Variants in SLC6A11 observed in about 807,000 individuals in gnomAD.
The protein encoded by SLC6A11 is solute carrier family 6 member 11, also known as sodium- and chloride-dependent GABA transporter 3.
Under a neutral mutation model 74.8 loss-of-function variants are expected in SLC6A11, and 25 were observed. The observed-to-expected ratio is 0.33, with a 90% confidence interval of 0.24 to 0.47. The LOEUF (loss-of-function observed/expected upper bound fraction) is 0.47, where lower values mean the gene tolerates loss of function less well. Ranked by LOEUF, SLC6A11 falls within the 20% of genes least tolerant of loss-of-function variation. The probability of loss-of-function intolerance (pLI) is 1.00; values close to 1 mark genes in which losing one functional copy is unlikely to be tolerated. For synonymous variants in SLC6A11, 330 were observed against 330.2 expected (o/e 1.00, Z 0.01); for missense variants, 574 against 837.0 (o/e 0.69, Z 3.88).
chr3:10,888,781 A>T (rs1360118903), intron 6 of SLC6A11, among the ~76,000 whole-genome samples: 3 of 152,256 alleles, frequency 2.0e-5, no homozygotes, highest in African/African-American at 7.2e-5. Flanking sequence ...GCCTGTCTTC[A>T]GGTATTCTCA....
chr3:10,831,507 G>A (rs979482376), intron 4 of SLC6A11, among the ~76,000 whole-genome samples: 6 of 152,096 alleles, frequency 3.9e-5, no homozygotes, highest in Admixed American at 6.5e-5. Context: ...ATATGATATC[G>A]TATGTAATAT....
In SLC6A11 at chr3:10,915,670, G is replaced by A. The variant is rs1190372206; in HGVS notation, c.996-2659G>A. On this transcript the variant is annotated intron_variant, in intron 7 of 13. Transcript: ENST00000254488. This position sits in a 1 kb window ranked among gnomAD's most constrained non-coding sequence, Gnocchi z 4.3. ...CACTAAGCCCTGTCTGCTTGAAGGG[G>A]TGGGTGTTCTGAGGACTGGAGGGGA... Among the ~76,000 whole-genome samples the A allele has an allele frequency of 6.6e-6, 1 of 152,094 alleles. No individual in the cohort carries two copies. The highest frequency in any genetic ancestry group is 1.5e-5 in the Non-Finnish European group (1 of 68,020).
In SLC6A11 at chr3:10,819,861, C is replaced by T. The variant is rs1212461557; in HGVS notation, c.532+9C>T. ...GCATGAGTGGAACACAGGTATGGCC[C>T]CACGGAGGTCTCTCTGCTGGTCCTG... On this transcript the variant is annotated intron_variant, in intron 3 of 13. Coordinates refer to ENST00000254488, the MANE Select transcript of SLC6A11 (RefSeq NM_014229.3). 2 of 1,612,666 alleles carry T rather than the reference C, an allele frequency of 1.2e-6. No individual in the cohort carries two copies. Among genetic ancestry groups the T allele is most frequent in the Non-Finnish European group, 1.7e-6 (2 of 1,179,430 alleles).
At chr3:10,882,686 A>G (rs566080673) in intron 6 of SLC6A11, among the ~76,000 whole-genome samples, 1 of 152,294 alleles carries the variant, frequency 6.6e-6, no homozygotes, top group Non-Finnish European at 1.5e-5. Context: ...CTTTTGCGTT[A>G]CGGTTGCAGT....
chr3:10,873,362 C>G (rs1315395071), intron 5 of SLC6A11, among the ~76,000 whole-genome samples: 43 of 105,188 alleles, frequency 4.1e-4, no homozygotes, highest in African/African-American at 1.9e-3. Flanking sequence ...TCCTTTCCCT[C>G]CCCTATGCTC....
intron 4 of SLC6A11, 99 bp from the exon 5 acceptor site, chr3:10,844,115 G>A: frequency 6.9e-7 from 1 of 1,453,890 alleles, no homozygotes. Context: ...GGACGTGGGT[G>A]AATGAGCACA....
In SLC6A11 at chr3:10,912,193, G is replaced by A; in HGVS notation, c.995G>A (p.Arg332Lys). The A allele has an allele frequency of 6.2e-7, 1 of 1,600,118 alleles. No individual in the cohort carries two copies. Residue 332 changes from arginine (R) to lysine (K), a missense_variant and splice_region_variant, in exon 7 of 14, where the codon AGG becomes AAG. Around this residue, in one of 4 missense-constraint regions of SLC6A11, gnomAD observed 215 missense variants for 357.9 expected, o/e 0.60. Transcript: ENST00000254488. Reference sequence around the variant, plus strand: ...AACAATTATAACAACAACTGCTACAGGTGAGCATTTCCCTGGGCCCTGCCA... The same window carrying A: ...AACAATTATAACAACAACTGCTACAAGTGAGCATTTCCCTGGGCCCTGCCA... ...SYNNYNNNCY[R>K]DCIMLCCLNS...
At chr3:10,835,093 C>A (rs551899725) in intron 4 of SLC6A11, among the ~76,000 whole-genome samples, 1 of 152,360 alleles carries the variant, frequency 6.6e-6, no homozygotes, top group African/African-American at 2.4e-5. Flanking sequence ...CCATCCGCGA[C>A]ACACAGTGGC....
At chr3:10,862,576 G>A (rs1206405660) in intron 5 of SLC6A11, among the ~76,000 whole-genome samples, 1 of 152,194 alleles carries the variant, frequency 6.6e-6, no homozygotes, top group Non-Finnish European at 1.5e-5. Context: ...CCTTGGAGGT[G>A]ATTTTTCCCA....
At chr3:10,901,533 G>A (rs763141403) in intron 6 of SLC6A11, among the ~76,000 whole-genome samples, 1 of 152,226 alleles carries the variant, frequency 6.6e-6, no homozygotes, top group Non-Finnish European at 1.5e-5. Context: ...GCACCAGAGC[G>A]AGAGGCTGCA....
chr3:10,892,589 A>C (rs1047558294), intron 6 of SLC6A11, among the ~76,000 whole-genome samples: 1 of 132,556 alleles, frequency 7.5e-6, no homozygotes, highest in Non-Finnish European at 1.6e-5. Context: ...TTTTTTTGCT[A>C]TCAGTAATCC....
intron 6 of SLC6A11, among the ~76,000 whole-genome samples, chr3:10,898,760 A>T (rs1000132077): frequency 1.3e-5 from 2 of 152,016 alleles, no homozygotes; most frequent in South Asian, 4.2e-4. Context: ...CCTGTTACCT[A>T]TTTCCAAAGT....
intron 4 of SLC6A11, chr3:10,825,603 T>C (rs764162979): frequency 2.6e-5 from 4 of 152,234 alleles, no homozygotes; most frequent in Admixed American, 6.5e-5. Flanking sequence ...TGGTGTCTTA[T>C]TTAAGATATA....
intron 5 of SLC6A11, among the ~76,000 whole-genome samples, chr3:10,846,681 G>A (rs186602257): frequency 1.3e-5 from 2 of 152,302 alleles, no homozygotes; most frequent in East Asian, 3.9e-4. Flanking sequence ...TTTCACAAGA[G>A]GCTTATGGGG....
rs779661006 is a variant in SLC6A11 at position 10,933,238 on chromosome 3, A to C, written c.1459A>C (p.Ile487Leu). The change falls in exon 11 of 14, where the codon ATC becomes CTC. Residue 487 changes from isoleucine (I) to leucine (L), a missense_variant. Physicochemically the swap from Ile to Leu is conservative, Grantham distance 5 (BLOSUM62 2). Transcript: ENST00000254488. ...LFVAIFECIC[I>L]GWVYGSNRFY... ...CGTGGCCATCTTTGAGTGCATCTGCATCGGCTGGGTGTATGGTGAGTAGCA... is the reference window on the plus strand; with the variant it reads ...CGTGGCCATCTTTGAGTGCATCTGCCTCGGCTGGGTGTATGGTGAGTAGCA... 1.9e-6 allele frequency: 3 copies of C among 1,613,626 alleles called. No homozygotes were observed. The East Asian group carries it at 6.7e-5, about 36-fold the overall frequency.
rs565314564 is a variant in SLC6A11 at position 10,854,471 on chromosome 3, G to A, written c.756+10125G>A. On this transcript the variant is annotated intron_variant, in intron 5 of 13. Coordinates refer to ENST00000254488, the MANE Select transcript of SLC6A11 (RefSeq NM_014229.3). ...CCATACATTCTCTCATTGTTTATGT[G>A]TTGCCCTCTAATCCTTAACATGTGT... 8.7e-4 allele frequency among the ~76,000 whole-genome samples: 132 copies of A among 152,336 alleles called. 1 individual carries two copies. The highest frequency in any genetic ancestry group is 3.1e-3 in the African/African-American group (128 of 41,578).
rs1559551814 is a variant in SLC6A11 at position 10,823,338 on chromosome 3, A to G, written c.569A>G (p.Asn190Ser). ...GAGTTCCAGAAACTGAATGTGAGCAACTACAGCCATGTGTCTCTGCAGAAT... is the reference window on the plus strand; with the variant it reads ...GAGTTCCAGAAACTGAATGTGAGCAGCTACAGCCATGTGTCTCTGCAGAAT... ...CVEFQKLNVS[N>S]YSHVSLQNAT... Residue 190 changes from asparagine to serine, a missense_variant, in exon 4 of 14, where the codon AAC becomes AGC. Asn to Ser is a conservative substitution (Grantham distance 46). Coordinates refer to ENST00000254488, the MANE Select transcript of SLC6A11 (RefSeq NM_014229.3). 4 of 1,613,936 alleles carry G rather than the reference A, an allele frequency of 2.5e-6. No individual in the cohort carries two copies. Among genetic ancestry groups the G allele is most frequent in the Non-Finnish European group, 2.5e-6 (3 of 1,179,830 alleles).
chr3:10,864,057 A>T (rs1003228898), intron 5 of SLC6A11, among the ~76,000 whole-genome samples: 1 of 152,048 alleles, frequency 6.6e-6, no homozygotes, highest in Non-Finnish European at 1.5e-5. Context: ...GATAAATGTC[A>T]GTCCTATTAT....
chr3:10,913,399 A>ACTG (rs1343055225), intron 7 of SLC6A11, among the ~76,000 whole-genome samples: 1 of 152,230 alleles, frequency 6.6e-6, no homozygotes, highest in Non-Finnish European at 1.5e-5. Context: ...GGGAAGTCAG[A>ACTG]GGTGGGGAGG....
Sources: allele counts gnomAD v4.1 joint callset (sites outside exome capture counted in the v4.1 genomes callset), GRCh38; gene constraint gnomAD v4.1.1; regional missense constraint gnomAD v4.1.1; non-coding constraint Gnocchi (gnomAD v3.1); transcripts MANE v1.5; gene names NCBI Gene and HGNC (gene_info 2026-07-23, HGNC 2026-07-21).